Variants in CPLANE1 observed in about 807,000 individuals in gnomAD.
The protein encoded by CPLANE1 is ciliogenesis and planar polarity effector complex subunit 1, also known as ciliogenesis and planar polarity effector 1.
A neutral mutation model predicts 362.5 loss-of-function variants in CPLANE1; 263 were observed. The observed-to-expected ratio is 0.73, with a 90% CI of 0.66 to 0.80. The LOEUF (loss-of-function observed/expected upper bound fraction) is 0.80. Ranked by LOEUF, CPLANE1 falls within the 30% of genes least tolerant of loss-of-function variation. The pLI is 0.00. For synonymous variants in CPLANE1, 1,212 were observed against 1,302.6 expected, an observed-to-expected ratio of 0.93 and a Z score of 1.50; for missense variants, 3,461 against 3,793.4, an observed-to-expected ratio of 0.91 and a Z score of 2.30.
At position 37,126,276 on chromosome 5, in the gene CPLANE1, C is replaced by T. The variant is rs191750966; in HGVS notation, c.8793-867G>A. Among the ~76,000 whole-genome samples, 258 of 152,242 alleles carry T rather than the reference C, an allele frequency of 1.7e-3. 1 individual carries two copies. Among genetic ancestry groups the T allele is most frequent in the African/African-American group, 6.1e-3 (252 of 41,550 alleles). On this transcript the variant is annotated intron_variant, in intron 46 of 52. Transcript: ENST00000651892. ...ATTGTAACACAGAGATGACTTCCAA[C>T]AGCTGCCCTTATGGATCTACTCCCA... is the stretch of plus-strand genomic sequence containing the variant.
the CPLANE1 span, among the ~76,000 whole-genome samples, chr5:37,077,537 T>A: frequency 2.0e-5 from 3 of 151,144 alleles, no homozygotes; most frequent in Admixed American, 6.6e-5. Flanking sequence ...ACTTGGGTCT[T>A]AAGAGACAGA....
At chr5:37,224,124 C>A (rs1310350903) in intron 14 of CPLANE1, 129 bp downstream of exon 14, 1 of 606,932 alleles carries the variant, frequency 1.6e-6, no homozygotes. Flanking sequence ...AGGTCTATGG[C>A]AAGCTAAAAG....
At position 37,108,532 on chromosome 5, in the gene CPLANE1, T is replaced by A. The variant is rs1031921410; in HGVS notation, c.9401-61A>T. 2.1e-6 allele frequency: 3 copies of A among 1,447,670 alleles called. No individual in the cohort carries two copies. The African/African-American group carries it at 4.3e-5, about 21-fold the overall frequency. The allele number at this position is 1,447,670 out of a possible 1,614,324, so 89.7% of individuals were successfully genotyped here. ...TGATTCATTCATTCATTCATTCATT[T>A]GTTAATTGTGACTTTTATCATCAAA... On this transcript the variant is annotated intron_variant, in intron 51 of 52. Coordinates refer to ENST00000651892, the MANE Select transcript of CPLANE1 (RefSeq NM_001384732.1).
chr5:37,148,332 G>T (rs780516678), intron 42 of CPLANE1, 64 bp from the exon 43 acceptor site: 2 of 1,218,470 alleles, frequency 1.6e-6, no homozygotes, highest in Admixed American at 4.1e-5. Flanking sequence ...ATAACAAACA[G>T]TTTTATGTAA....
downstream of CPLANE1, among the ~76,000 whole-genome samples, chr5:37,104,059 TC>T (rs1322680095): frequency 6.6e-6 from 1 of 152,202 alleles, no homozygotes; most frequent in Non-Finnish European, 1.5e-5. Context: ...TTTTGTTAGT[TC>T]CTTTTCATTC....
At chr5:37,242,226 C>T (rs1218896477) in intron 6 of CPLANE1, among the ~76,000 whole-genome samples, 3 of 151,756 alleles carry the variant, frequency 2.0e-5, no homozygotes, top group Non-Finnish European at 4.4e-5. Context: ...TGGTGGCGGG[C>T]ACCTGTAGTC....
downstream of CPLANE1, among the ~76,000 whole-genome samples, chr5:37,101,709 A>C (rs1757300521): frequency 2.0e-5 from 3 of 152,186 alleles, 1 homozygote; most frequent in South Asian, 6.2e-4. Flanking sequence ...GATACAATTC[A>C]GCTATAAATC....
At chr5:37,196,210 G>T (rs1490758257) in intron 20 of CPLANE1, among the ~76,000 whole-genome samples, 1 of 149,318 alleles carries the variant, frequency 6.7e-6, no homozygotes, top group Non-Finnish European at 1.5e-5. Context: ...TAAATCATTT[G>T]TACTCTCTTG....
Position 37,228,305 on chromosome 5 carries a change from T to C in CPLANE1, c.1122-488A>G, listed in dbSNP as rs1580907695. On this transcript the variant is annotated intron_variant, in intron 9 of 52. Coordinates refer to ENST00000651892, the MANE Select transcript of CPLANE1 (RefSeq NM_001384732.1). ...GTTTCCACTTAACTTAAACATACAA[T>C]ATTGTTATTATGATGTACCTGATTC... Among the ~76,000 whole-genome samples the C allele has an allele frequency of 2.0e-5, 3 of 152,280 alleles. No individual in the cohort carries two copies. In the South Asian group the frequency reaches 6.2e-4, roughly 32 times the overall value.
downstream of CPLANE1, among the ~76,000 whole-genome samples, chr5:37,104,487 C>T (rs1320782244): frequency 6.6e-6 from 1 of 151,940 alleles, no homozygotes; most frequent in Non-Finnish European, 1.5e-5. Context: ...TTAGTCCCAG[C>T]TACTCAGGAG....
the CPLANE1 span, among the ~76,000 whole-genome samples, chr5:37,078,035 C>G: frequency 6.6e-6 from 1 of 152,162 alleles, no homozygotes; most frequent in Admixed American, 6.5e-5. Flanking sequence ...CAGGTAGAAA[C>G]CACTAAAAAA....
rs769946295 is a variant in CPLANE1 at position 37,175,919 on chromosome 5, C to T, written c.5968G>A (p.Glu1990Lys). The T allele has an allele frequency of 5.0e-6, 8 of 1,612,166 alleles. No individual in the cohort carries two copies. The highest frequency in any genetic ancestry group is 3.3e-5 in the Admixed American group (2 of 59,878). ...PQSMQVDTSS[E>K]ISSAQISTYK... Reference sequence around the variant, plus strand: ...GGCAAAACTTCTTACCTAGAAATTTCTGAACTCGTATCTACTTGCATTGAT... The same window carrying T: ...GGCAAAACTTCTTACCTAGAAATTTTTGAACTCGTATCTACTTGCATTGAT... The change falls in exon 31 of 53, where the codon GAA becomes AAA. Residue 1990 changes from glutamate to lysine, a missense_variant. By Grantham distance (56) the Glu-to-Lys change is moderately conservative (BLOSUM62 1). Around this residue, in one of 2 missense-constraint regions of CPLANE1, gnomAD observed 3,380 missense variants for 3,666.1 expected, o/e 0.92. Coordinates refer to ENST00000651892, the MANE Select transcript of CPLANE1 (RefSeq NM_001384732.1).
chr5:37,231,144 C>T (rs1480263681), intron 8 of CPLANE1, 95 bp from the exon 9 acceptor site: 1 of 848,002 alleles, frequency 1.2e-6, no homozygotes, highest in African/African-American at 1.8e-5. Flanking sequence ...TGTGAAAGTT[C>T]AAAAAATGAG....
rs746246732 is a variant in CPLANE1, at chr5:37,185,052, A to T, written c.4217T>A (p.Val1406Asp). The part of the protein sequence containing the change: ...KGPQTEEMMS[V>D]VMHSIQKVRV... Reference sequence around the variant, plus strand: ...CACTTTCTGGATAGAATGCATGACAACAGACATCATTTCCTCAGTCTGGGG... The same window carrying T: ...CACTTTCTGGATAGAATGCATGACATCAGACATCATTTCCTCAGTCTGGGG... Residue 1406 changes from valine to aspartate, a missense_variant, in exon 25 of 53, where the codon GTT becomes GAT. By Grantham distance (152) the Val-to-Asp change is radical. Transcript: ENST00000651892. The T allele has an allele frequency of 6.2e-7, 1 of 1,613,046 alleles. No homozygotes were observed. Among genetic ancestry groups the T allele is most frequent in the Non-Finnish European group, 8.5e-7 (1 of 1,179,602 alleles).
rs1218490585 is a variant in CPLANE1, at chr5:37,170,128, T to C, written c.6375A>G (p.Gly2125=). ...ERFFIKPQSM[G]ENAREPRKNS... ...TCTTGCGAGGCTCTCTGGCGTTCTC[T>C]CCCATTGACTGTGGTTTAATAAAAA... Residue 2125 remains glycine, a synonymous_variant, in exon 33 of 53, where the codon GGA becomes GGG. Coordinates refer to ENST00000651892, the MANE Select transcript of CPLANE1 (RefSeq NM_001384732.1). 1.9e-6 allele frequency: 3 copies of C among 1,614,110 alleles called. No homozygotes were observed. The African/African-American group carries it at 4.0e-5, about 22-fold the overall frequency.
rs74955401 is a variant in CPLANE1 at position 37,140,868 on chromosome 5, T to C, written c.8632+1442A>G. On this transcript the variant is annotated intron_variant, in intron 44 of 52. Coordinates refer to ENST00000651892, the MANE Select transcript of CPLANE1 (RefSeq NM_001384732.1). ...TTTATGCATGGACTTTTTTTTTTTT[T>C]CTAGCTCATCAGCTATTGTTAGTGT... 2.8e-5 allele frequency: 26 copies of C among 933,962 alleles called. 1 individual carries two copies. Among genetic ancestry groups the C allele is most frequent in the South Asian group, 2.5e-4 (5 of 20,204 alleles). 57.9% of individuals were successfully genotyped at this position (933,962 alleles called of 1,614,324 possible). A position where few individuals can be genotyped will look rare whatever the true frequency, so the allele number is the denominator to read the frequency against.
chr5:37,216,668 C>A (rs80296658), intron 15 of CPLANE1, among the ~76,000 whole-genome samples: 2,548 of 152,258 alleles, frequency 0.017, 74 homozygotes, highest in African/African-American at 0.059. Flanking sequence ...AGAGGACATG[C>A]GTCATTCCCA....
chr5:37,076,633 C>A, the CPLANE1 span, among the ~76,000 whole-genome samples: 1 of 151,890 alleles, frequency 6.6e-6, no homozygotes, highest in Non-Finnish European at 1.5e-5. Flanking sequence ...TTGCCACTCA[C>A]CAATCAGAAA....
chr5:37,211,286 G>A, intron 16 of CPLANE1: 1 of 1,511,248 alleles, frequency 6.6e-7, no homozygotes, highest in South Asian at 1.2e-5. Flanking sequence ...TTCAGCAAGA[G>A]GCGGAACGCT....
Sources: allele counts gnomAD v4.1 joint callset (sites outside exome capture counted in the v4.1 genomes callset), GRCh38; gene constraint gnomAD v4.1.1; regional missense constraint gnomAD v4.1.1; transcripts MANE v1.5; gene names NCBI Gene and HGNC (gene_info 2026-07-23, HGNC 2026-07-21).